MCU: variants seen among roughly 807,000 people sequenced by gnomAD.
MCU encodes mitochondrial calcium uniporter.
A neutral mutation model predicts 45.2 loss-of-function variants in MCU; 12 were observed. The ratio of observed to expected loss-of-function variants is 0.27; its 90% CI spans 0.17 to 0.43. The LOEUF is 0.43. MCU is among the 20% of genes least tolerant of loss of function. The pLI is 1.00. For synonymous variants in MCU, 160 were observed against 165.1 expected (o/e 0.97, Z 0.24); for missense variants, 324 against 436.7 (o/e 0.74, Z 2.30).
Position 72,755,951 on chromosome 10 carries a change from C to T in MCU, c.150+63650C>T, listed in dbSNP as rs563135930. Among the ~76,000 whole-genome samples, 7 of 152,066 alleles carry T rather than the reference C, an allele frequency of 4.6e-5. No individual in the cohort carries two copies. In the East Asian group the frequency reaches 1.4e-3, roughly 29 times the overall value. ...CTCAATCTCCCAGGGTCAAGCAGTC[C>T]TCCCACCTCCGCCTCCTGAGTAGCT... On this transcript the variant is annotated intron_variant, in intron 1 of 7. Transcript: ENST00000373053.
intron 6 of MCU, among the ~76,000 whole-genome samples, chr10:72,873,232 A>G (rs537656075): frequency 4.0e-5 from 6 of 151,508 alleles, no homozygotes; most frequent in Admixed American, 1.3e-4. Context: ...CTTAGCCAGG[A>G]TGGTCTCGAT....
intron 1 of MCU, among the ~76,000 whole-genome samples, chr10:72,790,810 G>A (rs1253471985): frequency 6.6e-6 from 1 of 152,108 alleles, no homozygotes; most frequent in Non-Finnish European, 1.5e-5. Flanking sequence ...CACTTCAGTC[G>A]AAATGTAATC....
chr10:72,711,804 C>T (rs1363835757), intron 1 of MCU, among the ~76,000 whole-genome samples: 6 of 149,620 alleles, frequency 4.0e-5, no homozygotes, highest in South Asian at 2.1e-4. Context: ...CTCCATCTCC[C>T]GGGTTCACGT....
intron 6 of MCU, 112 bp from the exon 7 acceptor site, chr10:72,884,154 G>A: frequency 1.5e-6 from 1 of 687,388 alleles, no homozygotes; most frequent in East Asian, 2.5e-5. Context: ...ACTTAACACA[G>A]CACATGTCAG....
chr10:72,786,995 G>GGA (rs1844082191), intron 1 of MCU, among the ~76,000 whole-genome samples: 1 of 152,044 alleles, frequency 6.6e-6, no homozygotes, highest in Non-Finnish European at 1.5e-5. Flanking sequence ...ATTTATATAT[G>GGA]GAGAGAGAGG....
chr10:72,800,104 AAC>A (rs939980910), intron 1 of MCU, among the ~76,000 whole-genome samples: 2 of 152,292 alleles, frequency 1.3e-5, no homozygotes, highest in African/African-American at 4.8e-5. Flanking sequence ...GCAGGAACAC[AAC>A]ACACAGTTTG....
At chr10:72,856,231 A>G (rs945458508) in intron 2 of MCU, among the ~76,000 whole-genome samples, 9 of 152,330 alleles carry the variant, frequency 5.9e-5, no homozygotes, top group African/African-American at 1.4e-4. Context: ...AATCAGATCA[A>G]TGGTTACCCA....
intron 1 of MCU, among the ~76,000 whole-genome samples, chr10:72,780,162 TAAG>T (rs1843967365): frequency 4.6e-5 from 7 of 152,198 alleles, no homozygotes; most frequent in Admixed American, 3.3e-4. Context: ...TGGTAAATGA[TAAG>T]AAGCCAGTCA....
intron 2 of MCU, among the ~76,000 whole-genome samples, chr10:72,839,472 T>C (rs1192991128): frequency 1.3e-5 from 2 of 152,166 alleles, no homozygotes; most frequent in African/African-American, 2.4e-5. Context: ...TCATACAATA[T>C]GTAGTCTTTC....
rs1048837098 is a variant in MCU, at chr10:72,747,709, C to T, written c.150+55408C>T. Among the ~76,000 whole-genome samples, 7 of 152,038 alleles carry T rather than the reference C, an allele frequency of 4.6e-5. No homozygotes were observed. The East Asian group carries it at 1.2e-3, about 25-fold the overall frequency. ...TAAAAAAGCTAGATGTGGTGACGTACGCCTGTGGTCCCAGCTATTCTGGAG... is the reference window on the plus strand; with the variant it reads ...TAAAAAAGCTAGATGTGGTGACGTATGCCTGTGGTCCCAGCTATTCTGGAG... On this transcript the variant is annotated intron_variant, in intron 1 of 7. Transcript: ENST00000373053.
intron 1 of MCU, among the ~76,000 whole-genome samples, chr10:72,777,195 A>G (rs534078091): frequency 3.7e-4 from 57 of 152,328 alleles, no homozygotes; most frequent in Non-Finnish European, 7.3e-4. Flanking sequence ...AGAAATAGGG[A>G]AAAAAATTCT....
intron 1 of MCU, among the ~76,000 whole-genome samples, chr10:72,781,441 A>G (rs1843992595): frequency 6.6e-6 from 1 of 152,250 alleles, no homozygotes; most frequent in Non-Finnish European, 1.5e-5. Flanking sequence ...TCATCTCTTA[A>G]GTCCTAGTCA....
chr10:72,701,518 C>T, intron 1 of MCU, among the ~76,000 whole-genome samples: 1 of 152,086 alleles, frequency 6.6e-6, no homozygotes, highest in East Asian at 1.9e-4. Flanking sequence ...CGACATCCTT[C>T]CTACTGACTA....
At chr10:72,734,707 A>G (rs35588829) in intron 1 of MCU, among the ~76,000 whole-genome samples, 239 of 152,098 alleles carry the variant, frequency 1.6e-3, no homozygotes, top group Non-Finnish European at 1.7e-3. Flanking sequence ...TTGACCTCCC[A>G]GGCTCAAGCA....
In MCU at chr10:72,771,459, A is replaced by G. The variant is rs570803004; in HGVS notation, c.151-62900A>G. ...CCATCATTGATGGGCATTTGGGTTC[A>G]CTCCAAGTCTGTGTTATTGTGAATA... is the stretch of plus-strand genomic sequence containing the variant. On this transcript the variant is annotated intron_variant, in intron 1 of 7. Coordinates refer to ENST00000373053, the MANE Select transcript of MCU (RefSeq NM_138357.3). Among the ~76,000 whole-genome samples the G allele has an allele frequency of 2.2e-4, 33 of 152,176 alleles. 1 individual carries two copies. In the South Asian group the frequency reaches 6.0e-3, roughly 28 times the overall value.
intron 1 of MCU, among the ~76,000 whole-genome samples, chr10:72,724,605 A>G (rs1369541301): frequency 1.3e-5 from 2 of 152,208 alleles, no homozygotes; most frequent in Non-Finnish European, 2.9e-5. Context: ...GCTGTATTAT[A>G]TATGAAAGTA....
chr10:72,715,692 G>A (rs1842948168), intron 1 of MCU, among the ~76,000 whole-genome samples: 1 of 152,188 alleles, frequency 6.6e-6, no homozygotes, highest in South Asian at 2.1e-4. Flanking sequence ...AGTAATGGTT[G>A]AGGTTAATCA....
intron 1 of MCU, among the ~76,000 whole-genome samples, chr10:72,803,773 A>T (rs1210331440): frequency 6.6e-6 from 1 of 151,472 alleles, no homozygotes; most frequent in East Asian, 1.9e-4. Context: ...GAAATTATTT[A>T]TTGTTTTTCT....
At chr10:72,697,298 G>A (rs1354711293) in intron 1 of MCU, among the ~76,000 whole-genome samples, 1 of 150,852 alleles carries the variant, frequency 6.6e-6, no homozygotes, top group African/African-American at 2.4e-5. Context: ...TGTATTTTTT[G>A]TAGAGACTGG....
Sources: gnomAD v4.1 joint callset for allele counts (sites outside exome capture counted in the v4.1 genomes callset) on GRCh38, gnomAD v4.1.1 for gene constraint, MANE v1.5 for transcripts, NCBI Gene and HGNC (gene_info 2026-07-23, HGNC 2026-07-21) for gene names.